MED27: variants seen among roughly 807,000 people sequenced by gnomAD.
MED27 encodes mediator complex subunit 27, also known as mediator of RNA polymerase II transcription subunit 27.
Under a neutral mutation model 38.2 loss-of-function variants are expected in MED27, and 30 were observed. The ratio of observed to expected loss-of-function variants is 0.79; its 90% confidence interval spans 0.59 to 1.07. The LOEUF is 1.07. MED27 is among the 50% of genes least tolerant of loss of function. MED27 has a pLI of 0.00. For synonymous variants in MED27, 122 were observed against 153.5 expected (o/e 0.79, Z 1.52); for missense variants, 289 against 397.5 (o/e 0.73, Z 2.32).
chr9:132,064,584 C>T (rs1833769714), intron 2 of MED27, among the ~76,000 whole-genome samples: 1 of 152,194 alleles, frequency 6.6e-6, no homozygotes, highest in Non-Finnish European at 1.5e-5. Context: ...TTAAAGAGAG[C>T]ACAGCCTTAG....
intron 5 of MED27, among the ~76,000 whole-genome samples, chr9:131,890,069 C>T (rs1839203729): frequency 6.6e-6 from 1 of 152,144 alleles, no homozygotes; most frequent in African/African-American, 2.4e-5. Flanking sequence ...GCACTAATGC[C>T]TAGATTGTAT....
intron 4 of MED27, among the ~76,000 whole-genome samples, chr9:131,929,139 G>GA (rs1317816191): frequency 6.6e-6 from 1 of 152,206 alleles, no homozygotes; most frequent in Non-Finnish European, 1.5e-5. Context: ...CTGCTCCCTT[G>GA]AAGGGATGGA....
intron 5 of MED27, among the ~76,000 whole-genome samples, chr9:131,891,997 A>T (rs1839237224): frequency 1.3e-5 from 2 of 152,198 alleles, no homozygotes; most frequent in African/African-American, 4.8e-5. Flanking sequence ...TAAGGAAAAG[A>T]GGAGGGAAAC....
At chr9:132,046,725 C>T (rs1391800225) in intron 2 of MED27, among the ~76,000 whole-genome samples, 1 of 152,142 alleles carries the variant, frequency 6.6e-6, no homozygotes, top group Non-Finnish European at 1.5e-5. Flanking sequence ...GAGAAATTTC[C>T]TTTCCAGTTA....
Position 131,939,360 on chromosome 9 carries a change from A to C in MED27, c.573+21T>G, listed in dbSNP as rs751587847. 319 of 1,560,456 alleles carry C rather than the reference A, an allele frequency of 2.0e-4. 1 individual carries two copies. The highest frequency in any genetic ancestry group is 2.7e-4 in the Non-Finnish European group (305 of 1,144,588). On this transcript the variant is annotated intron_variant, in intron 4 of 7. Coordinates refer to ENST00000292035, the MANE Select transcript of MED27 (RefSeq NM_004269.4). ...CATTTTTTCCCCCAACATCCCTACA[A>C]ATCAGTCAAGCTGATCTTACCAGAA...
intron 2 of MED27, among the ~76,000 whole-genome samples, chr9:132,059,493 C>T (rs909372453): frequency 3.3e-5 from 5 of 152,372 alleles, no homozygotes; most frequent in South Asian, 2.1e-4. Flanking sequence ...GCCAAGGCTG[C>T]GCCTCACAGC....
At chr9:131,972,081 AG>A (rs1831491453) in intron 3 of MED27, among the ~76,000 whole-genome samples, 1 of 152,220 alleles carries the variant, frequency 6.6e-6, no homozygotes, top group Non-Finnish European at 1.5e-5. Flanking sequence ...TCTTAATTCT[AG>A]TACAGACAGC....
chr9:131,947,269 C>T (rs767269452), intron 3 of MED27, among the ~76,000 whole-genome samples: 1 of 152,130 alleles, frequency 6.6e-6, no homozygotes, highest in Non-Finnish European at 1.5e-5. Flanking sequence ...CAGAGAACTC[C>T]ACAAAACAAA....
chr9:132,068,256 G>A (rs1833852441), intron 2 of MED27, among the ~76,000 whole-genome samples: 1 of 152,076 alleles, frequency 6.6e-6, no homozygotes, highest in Non-Finnish European at 1.5e-5. Context: ...AGGACTACTC[G>A]TGGCATTTTA....
chr9:132,039,776 T>G (rs983747888), intron 2 of MED27, among the ~76,000 whole-genome samples: 23 of 152,172 alleles, frequency 1.5e-4, no homozygotes, highest in Non-Finnish European at 3.1e-4. Context: ...CTCCGTTCAG[T>G]GCTGGCCCTG....
chr9:131,942,111 C>A (rs1385197840), intron 3 of MED27, among the ~76,000 whole-genome samples: 1 of 152,088 alleles, frequency 6.6e-6, no homozygotes, highest in Non-Finnish European at 1.5e-5. Context: ...AGGCGTGAAC[C>A]ACCGTGCCCA....
rs7858984 is a variant in MED27, at chr9:131,917,731, G to A, written c.573+21650C>T. On this transcript the variant is annotated intron_variant, in intron 4 of 7. Transcript: ENST00000292035. This position sits in a 1 kb window ranked among gnomAD's most constrained non-coding sequence, Gnocchi z 4.6. ...TCAATAAGCATTTGTTACAAGAATG[G>A]AGATAAGTATTGGAACAGAAAAATG... is the stretch of plus-strand genomic sequence containing the variant. 0.35 allele frequency among the ~76,000 whole-genome samples: 53,234 copies of A among 152,072 alleles called. 9,578 individuals are homozygous for A. The highest frequency in any genetic ancestry group is 0.43 in the East Asian group (2,245 of 5,190).
rs1839202026 is a variant in MED27, at chr9:131,889,954, T to C, written c.681+3931A>G. 6.6e-6 allele frequency among the ~76,000 whole-genome samples: 1 copy of C among 152,128 alleles called. No individual in the cohort carries two copies. The highest frequency in any genetic ancestry group is 1.9e-4 in the East Asian group (1 of 5,192). On this transcript the variant is annotated intron_variant, in intron 5 of 7. Transcript: ENST00000292035. The surrounding 1 kb of genome is among the most constrained non-coding windows in gnomAD (Gnocchi z 4.2). ...AGGCTGCGTCCCGGGAGCAGCGACG[T>C]CTCCAGCAACAACGTGCTCTTGTAG...
intron 3 of MED27, among the ~76,000 whole-genome samples, chr9:131,957,244 T>C (rs764054750): frequency 2.6e-5 from 4 of 152,112 alleles, no homozygotes; most frequent in Non-Finnish European, 5.9e-5. Flanking sequence ...CAAATGCTCA[T>C]AGCAGTTTTA....
chr9:131,902,118 C>T (rs538468922), intron 4 of MED27, among the ~76,000 whole-genome samples: 158 of 152,248 alleles, frequency 1.0e-3, no homozygotes, highest in African/African-American at 3.8e-3. Context: ...CCTTGCCGAT[C>T]GAGACTCCTG....
intron 6 of MED27, chr9:131,869,229 G>A: frequency 1.0e-6 from 1 of 985,360 alleles, no homozygotes; most frequent in Non-Finnish European, 1.2e-6. Context: ...TGCTGGTTTT[G>A]GAATTCCTCT....
intron 2 of MED27, among the ~76,000 whole-genome samples, chr9:132,041,540 C>T (rs1036353315): frequency 1.4e-4 from 21 of 152,240 alleles, no homozygotes; most frequent in Non-Finnish European, 2.2e-4. Flanking sequence ...CTCAGTCGCT[C>T]CCCATCTTCC....
At chr9:131,932,405 CAAATA>C (rs1830608134) in intron 4 of MED27, among the ~76,000 whole-genome samples, 1 of 143,056 alleles carries the variant, frequency 7.0e-6, no homozygotes, top group South Asian at 2.2e-4. Context: ...AGAGAAGATA[CAAATA>C]AAATAAGAGA....
chr9:132,072,165 T>C, intron 2 of MED27, among the ~76,000 whole-genome samples: 1 of 152,322 alleles, frequency 6.6e-6, no homozygotes, highest in African/African-American at 2.4e-5. Flanking sequence ...TACACACATG[T>C]GTACTATCAC....
Sources: gnomAD v4.1 joint callset for allele counts (sites outside exome capture counted in the v4.1 genomes callset) on GRCh38, gnomAD v4.1.1 for gene constraint, Gnocchi (gnomAD v3.1) non-coding constraint, MANE v1.5 for transcripts, NCBI Gene and HGNC (gene_info 2026-07-23, HGNC 2026-07-21) for gene names.